Variants in PTK2 observed in about 807,000 individuals in gnomAD.
PTK2 encodes protein tyrosine kinase 2, also known as focal adhesion kinase 1.
Under a neutral mutation model 150.1 loss-of-function variants are expected in PTK2, and 45 were observed. The ratio of observed to expected loss-of-function variants is 0.30; its 90% CI spans 0.24 to 0.38. PTK2 has a LOEUF of 0.38. PTK2 is among the 10% of genes least tolerant of loss of function. PTK2 has a pLI of 1.00. For missense variants in PTK2, 919 were observed against 1,307.3 expected (o/e 0.70, Z 4.58); for synonymous variants, 432 against 449.2 (o/e 0.96, Z 0.48).
At chr8:140,960,305 T>C (rs1469949489) in intron 1 of PTK2, among the ~76,000 whole-genome samples, 1 of 38 alleles carries the variant, frequency 0.026, no homozygotes, top group Non-Finnish European at 0.05. Flanking sequence ...TTCAAGCAAT[T>C]CTCCTGCTCA....
chr8:140,854,231 T>A (rs997506924), intron 5 of PTK2, among the ~76,000 whole-genome samples: 4 of 152,228 alleles, frequency 2.6e-5, no homozygotes, highest in Non-Finnish European at 5.9e-5. Flanking sequence ...TCTTAAAACA[T>A]CTGTAGGAGT....
chr8:140,807,072 G>A (rs2100098538), intron 10 of PTK2, among the ~76,000 whole-genome samples: 1 of 152,262 alleles, frequency 6.6e-6, no homozygotes, highest in Non-Finnish European at 1.5e-5. Flanking sequence ...TTACAAGGAA[G>A]CAGGGCCATG....
intron 1 of PTK2, among the ~76,000 whole-genome samples, chr8:140,929,637 T>C (rs759122314): frequency 6.6e-6 from 1 of 152,146 alleles, no homozygotes; most frequent in Non-Finnish European, 1.5e-5. Context: ...CAAAGCCGCA[T>C]GCAACTCCAA....
intron 1 of PTK2, among the ~76,000 whole-genome samples, chr8:140,967,814 C>T (rs554098538): frequency 4.6e-5 from 7 of 152,228 alleles, no homozygotes; most frequent in Non-Finnish European, 1.0e-4. Flanking sequence ...TGAAGCTCCC[C>T]AATGTTCAAA....
intron 23 of PTK2, among the ~76,000 whole-genome samples, chr8:140,707,372 C>T (rs76451724): frequency 0.038 from 5,797 of 152,218 alleles, 289 homozygotes; most frequent in African/African-American, 0.11. Context: ...CTGGTTGTGG[C>T]GATGGTTGCA....
intron 1 of PTK2, among the ~76,000 whole-genome samples, chr8:140,973,970 C>A (rs1405924763): frequency 6.6e-6 from 1 of 152,142 alleles, no homozygotes; most frequent in East Asian, 1.9e-4. Flanking sequence ...AAAGAAGAAA[C>A]TTTCTTACAG....
At chr8:140,723,727 T>C (rs74805434) in intron 22 of PTK2, among the ~76,000 whole-genome samples, 5 of 152,200 alleles carry the variant, frequency 3.3e-5, no homozygotes, top group African/African-American at 9.7e-5. Context: ...AACTTGCAAA[T>C]AGATGGAACA....
At chr8:140,968,773 G>A (rs1294698481) in intron 1 of PTK2, among the ~76,000 whole-genome samples, 1 of 152,166 alleles carries the variant, frequency 6.6e-6, no homozygotes, top group Admixed American at 6.5e-5. Context: ...CATGATATAT[G>A]GTAAGGGCCA....
At chr8:140,813,180 T>C (rs183225342) in intron 10 of PTK2, among the ~76,000 whole-genome samples, 2 of 152,142 alleles carry the variant, frequency 1.3e-5, no homozygotes, top group Non-Finnish European at 2.9e-5. Flanking sequence ...ATAATAACCA[T>C]TCCCTCAGAG....
intron 27 of PTK2, among the ~76,000 whole-genome samples, chr8:140,681,760 G>C (rs1330127632): frequency 2.0e-5 from 3 of 152,198 alleles, no homozygotes; most frequent in South Asian, 4.1e-4. Context: ...CTGGGCCACA[G>C]AGCGAGACTC....
exon 21 of PTK2, chr8:140,739,053 C>A: frequency 6.3e-7 from 1 of 1,576,926 alleles, no homozygotes; most frequent in South Asian, 1.2e-5. Flanking sequence ...GGTAAAACGT[C>A]GAAAATTGAT....
chr8:140,880,938 C>A (rs2100148748), intron 3 of PTK2, among the ~76,000 whole-genome samples: 1 of 152,098 alleles, frequency 6.6e-6, no homozygotes, highest in South Asian at 2.1e-4. Context: ...ACAACTCAAT[C>A]CCAGGTACAA....
rs570788204 is a variant in PTK2 at position 140,939,700 on chromosome 8, A to G, written c.-121-13951T>C. The stretch of plus-strand genomic sequence containing the variant: ...TTATTTCAAAGCTGTTGTCACTAGG[A>G]GATAAAAACTAGGTAGTATGTACAC... On this transcript the variant is annotated intron_variant, in intron 1 of 31. Coordinates refer to ENST00000522684, the Ensembl canonical transcript of PTK2. Among the ~76,000 whole-genome samples, 5 of 152,362 alleles carry G rather than the reference A, an allele frequency of 3.3e-5. No individual in the cohort carries two copies. The South Asian group carries it at 8.3e-4, about 25-fold the overall frequency.
At chr8:140,873,518 T>C (rs1383077411) in intron 4 of PTK2, among the ~76,000 whole-genome samples, 28 of 151,926 alleles carry the variant, frequency 1.8e-4, no homozygotes, top group African/African-American at 7.3e-5. Context: ...TAGGCTGGAG[T>C]GGAGTGGCAC....
chr8:140,774,314 T>A (rs2100077182), intron 14 of PTK2, among the ~76,000 whole-genome samples: 1 of 152,162 alleles, frequency 6.6e-6, no homozygotes, highest in Admixed American at 6.5e-5. Context: ...GTGGTCACAG[T>A]GAATGGTTAT....
chr8:140,866,985 A>G (rs532527449), intron 4 of PTK2, among the ~76,000 whole-genome samples: 3 of 152,334 alleles, frequency 2.0e-5, no homozygotes, highest in East Asian at 1.9e-4. Context: ...ATGCAGAGAA[A>G]AAGTGTTCTA....
At chr8:140,896,732 T>C (rs1216844698) in intron 2 of PTK2, among the ~76,000 whole-genome samples, 2 of 150,824 alleles carry the variant, frequency 1.3e-5, no homozygotes, top group Non-Finnish European at 2.9e-5. Context: ...GCGTACAGCA[T>C]TGTTCTGGAA....
chr8:140,839,594 GA>G (rs1001637483), intron 7 of PTK2, among the ~76,000 whole-genome samples: 1 of 151,802 alleles, frequency 6.6e-6, no homozygotes, highest in Non-Finnish European at 1.5e-5. Flanking sequence ...GTGGTAGAAT[GA>G]AAAAAACAAT....
At chr8:140,880,092 T>C (rs1435627589) in intron 3 of PTK2, among the ~76,000 whole-genome samples, 1 of 152,152 alleles carries the variant, frequency 6.6e-6, no homozygotes, top group Non-Finnish European at 1.5e-5. Flanking sequence ...ACATTCATAA[T>C]CATTTTTTTA....
Sources: gnomAD v4.1 joint callset for allele counts (sites outside exome capture counted in the v4.1 genomes callset) on GRCh38, gnomAD v4.1.1 for gene constraint, MANE v1.5 for transcripts, NCBI Gene and HGNC (gene_info 2026-07-23, HGNC 2026-07-21) for gene names.